DEPTOR: variants seen among roughly 807,000 people sequenced by gnomAD.
The protein encoded by DEPTOR is DEP domain containing MTOR interacting protein, also known as DEP domain-containing mTOR-interacting protein.
A neutral mutation model predicts 41.6 loss-of-function variants in DEPTOR; 41 were observed. The ratio of observed to expected loss-of-function variants is 0.98; its 90% confidence interval spans 0.77 to 1.28. The LOEUF (loss-of-function observed/expected upper bound fraction) is 1.28, where lower values mean the gene tolerates loss of function less well. DEPTOR is among the 50% of genes most tolerant of loss of function. DEPTOR has a pLI of 0.00. For synonymous variants in DEPTOR, 195 were observed against 192.3 expected (o/e 1.01, Z -0.12); for missense variants, 514 against 527.9 (o/e 0.97, Z 0.26).
chr8:119,899,617 T>C (rs767523598), intron 1 of DEPTOR, among the ~76,000 whole-genome samples: 5 of 152,202 alleles, frequency 3.3e-5, no homozygotes, highest in Non-Finnish European at 5.9e-5. Context: ...TTGTAAAACA[T>C]TTTTTTAAAA....
chr8:120,034,142 C>T (rs575855220), intron 8 of DEPTOR, among the ~76,000 whole-genome samples: 28 of 152,156 alleles, frequency 1.8e-4, no homozygotes, highest in African/African-American at 6.0e-4. Context: ...TGCTTAGTCC[C>T]GATCTCATCA....
At chr8:119,915,200 C>T (rs1222553701) in intron 1 of DEPTOR, among the ~76,000 whole-genome samples, 2 of 151,546 alleles carry the variant, frequency 1.3e-5, no homozygotes, top group African/African-American at 2.4e-5. Context: ...CTCTTGACCT[C>T]GTGATATGCC....
At chr8:120,008,561 T>A (rs1563590534) in intron 7 of DEPTOR, among the ~76,000 whole-genome samples, 3 of 151,162 alleles carry the variant, frequency 2.0e-5, no homozygotes, top group African/African-American at 7.3e-5. Flanking sequence ...GTCTCTTTAT[T>A]TCCCACCATT....
chr8:120,048,176 A>C (rs1813181732), intron 8 of DEPTOR, among the ~76,000 whole-genome samples: 1 of 152,200 alleles, frequency 6.6e-6, no homozygotes, highest in Non-Finnish European at 1.5e-5. Context: ...CAAAAAGGCT[A>C]TTCATCTTTT....
At chr8:120,042,876 G>A (rs1420537809) in intron 8 of DEPTOR, among the ~76,000 whole-genome samples, 1 of 151,592 alleles carries the variant, frequency 6.6e-6, no homozygotes, top group Admixed American at 6.6e-5. Context: ...TCGAGGCAGA[G>A]TGTCACTCTG....
chr8:119,974,870 A>G (rs1452590907), intron 4 of DEPTOR, among the ~76,000 whole-genome samples: 1 of 72,042 alleles, frequency 1.4e-5, no homozygotes, highest in Non-Finnish European at 3.1e-5. Flanking sequence ...TTAAAACCAG[A>G]GGGTCAGAAA....
chr8:119,905,991 C>A (rs1303634951), intron 1 of DEPTOR, among the ~76,000 whole-genome samples: 2 of 152,104 alleles, frequency 1.3e-5, no homozygotes, highest in Admixed American at 1.3e-4. Flanking sequence ...GACAGCATCT[C>A]GCTATGTTGC....
In DEPTOR at chr8:119,974,946, A is replaced by G. The variant is rs568880931; in HGVS notation, c.604+9536A>G. 2.0e-4 allele frequency among the ~76,000 whole-genome samples: 31 copies of G among 152,204 alleles called. No homozygotes were observed. In the East Asian group the frequency reaches 5.2e-3, roughly 26 times the overall value. On this transcript the variant is annotated intron_variant, in intron 4 of 8. Transcript: ENST00000286234. ...GTCAACACCTTCTTTATTTATTACGAGTCTCTAGTGACTTAATTTTCTTTC... is the reference window on the plus strand; with the variant it reads ...GTCAACACCTTCTTTATTTATTACGGGTCTCTAGTGACTTAATTTTCTTTC...
In DEPTOR at chr8:119,980,453, TTTTTCTTTTCTTTTCTTTTCTTTTC is replaced by T. The variant is rs57896097; in HGVS notation, c.604+15080_604+15104del. Among the ~76,000 whole-genome samples the T allele has an allele frequency of 0.012, 1,379 of 110,926 alleles. 52 individuals are homozygous for T. The East Asian group carries it at 0.13, about 10-fold the overall frequency. The allele number at this position is 110,926 out of a possible 152,430, so 72.8% of individuals were successfully genotyped here. A position where few individuals can be genotyped will look rare whatever the true frequency, so the allele number is the denominator to read the frequency against. Reference sequence around the variant, plus strand: ...TGACCTGTGTGCATTTCATTTTTCTTTTTTCTTTTCTTTTCTTTTCTTTTCTTTTCTTTTCTTTTCTTTTCTTTTC... The same window carrying T: ...TGACCTGTGTGCATTTCATTTTTCTTTTTTCTTTTCTTTTCTTTTCTTTTC... On this transcript the variant is annotated intron_variant, in intron 4 of 8. Coordinates refer to ENST00000286234, the MANE Select transcript of DEPTOR (RefSeq NM_022783.4).
At chr8:119,992,425 A>C (rs4871822) in intron 4 of DEPTOR, among the ~76,000 whole-genome samples, 55,671 of 151,890 alleles carry the variant, frequency 0.37, 10,893 homozygotes, top group East Asian at 0.57. Context: ...TTTTCAGTCT[A>C]CTAAGTTGTT....
chr8:120,031,054 G>T (rs1812883446), intron 8 of DEPTOR, among the ~76,000 whole-genome samples: 1 of 152,134 alleles, frequency 6.6e-6, no homozygotes, highest in Admixed American at 6.5e-5. Flanking sequence ...TACTAGTGAG[G>T]CACAGTGACT....
intron 6 of DEPTOR, among the ~76,000 whole-genome samples, chr8:120,004,630 C>T (rs1812405438): frequency 6.6e-6 from 1 of 152,106 alleles, no homozygotes; most frequent in South Asian, 2.1e-4. Context: ...AGCATGTTTC[C>T]TCTTTCTCCT....
chr8:120,010,177 A>G (rs1294536448), intron 8 of DEPTOR, among the ~76,000 whole-genome samples: 4 of 150,546 alleles, frequency 2.7e-5, no homozygotes, highest in African/African-American at 5.0e-5. Flanking sequence ...TGAAATGACA[A>G]TCATACTATT....
intron 8 of DEPTOR, among the ~76,000 whole-genome samples, chr8:120,021,933 C>T (rs943768508): frequency 1.3e-5 from 2 of 151,816 alleles, no homozygotes; most frequent in Admixed American, 6.6e-5. Flanking sequence ...TCACCTGAAG[C>T]CAGGAGTCTG....
At chr8:120,048,318 A>G in intron 8 of DEPTOR, among the ~76,000 whole-genome samples, 1 of 152,196 alleles carries the variant, frequency 6.6e-6, no homozygotes, top group East Asian at 1.9e-4. Flanking sequence ...GCTGCAGCAG[A>G]AAAAAACAAA....
intron 8 of DEPTOR, among the ~76,000 whole-genome samples, chr8:120,021,580 A>G (rs1245823951): frequency 1.3e-5 from 2 of 152,224 alleles, no homozygotes; most frequent in Non-Finnish European, 2.9e-5. Flanking sequence ...AACAAAACAC[A>G]AAGTAACAGA....
At chr8:120,044,218 C>T (rs1223430384) in intron 8 of DEPTOR, among the ~76,000 whole-genome samples, 1 of 151,666 alleles carries the variant, frequency 6.6e-6, no homozygotes, top group African/African-American at 2.4e-5. Context: ...CTCCACCTCC[C>T]AGGTTCAAGT....
intron 1 of DEPTOR, among the ~76,000 whole-genome samples, chr8:119,889,488 A>G (rs948162395): frequency 6.7e-5 from 10 of 149,426 alleles, no homozygotes; most frequent in Admixed American, 1.4e-4. Context: ...TCGAGACTGC[A>G]GTGAGCCATG....
At chr8:119,876,697 A>G (rs556463103) in intron 1 of DEPTOR, among the ~76,000 whole-genome samples, 1 of 151,950 alleles carries the variant, frequency 6.6e-6, no homozygotes, top group Non-Finnish European at 1.5e-5. Flanking sequence ...TAGTGTTACT[A>G]TGAGGATTAG....
Sources: allele counts gnomAD v4.1 joint callset (sites outside exome capture counted in the v4.1 genomes callset), GRCh38; gene constraint gnomAD v4.1.1; transcripts MANE v1.5; gene names NCBI Gene and HGNC (gene_info 2026-07-23, HGNC 2026-07-21).